RASGRF1: variants seen among roughly 807,000 people sequenced by gnomAD.
The protein encoded by RASGRF1 is ras-specific guanine nucleotide-releasing factor 1.
Under a neutral mutation model 138.7 loss-of-function variants are expected in RASGRF1, and 40 were observed. The observed-to-expected ratio is 0.29, with a 90% confidence interval of 0.22 to 0.38. The LOEUF is 0.38. RASGRF1 is among the 10% of genes least tolerant of loss of function. RASGRF1 has a pLI of 1.00. For missense variants in RASGRF1, 1,108 were observed against 1,650.4 expected, an observed-to-expected ratio of 0.67 and a Z score of 5.69; for synonymous variants, 614 against 663.2, an observed-to-expected ratio of 0.93 and a Z score of 1.14.
At position 78,977,790 on chromosome 15, in the gene RASGRF1, A is replaced by C. The variant is rs538263426; in HGVS notation, c.3494+2830T>G. Among the ~76,000 whole-genome samples the C allele has an allele frequency of 1.4e-3, 213 of 152,348 alleles. 1 individual carries two copies. Among genetic ancestry groups the C allele is most frequent in the Admixed American group, 3.1e-3 (48 of 15,306 alleles). ...GCTTCCTATTCAAATTAAACACAAAAGGTGCAGATATGCAAGTGTGTGCTC... is the reference window on the plus strand; with the variant it reads ...GCTTCCTATTCAAATTAAACACAAACGGTGCAGATATGCAAGTGTGTGCTC... On this transcript the variant is annotated intron_variant, in intron 24 of 26. Transcript: ENST00000558480.
At chr15:79,015,560 C>G (rs546773028) in intron 12 of RASGRF1, 151 bp from the exon 13 acceptor site, 1 of 676,718 alleles carries the variant, frequency 1.5e-6, no homozygotes, top group African/African-American at 1.8e-5. Context: ...GCAGGGTCAG[C>G]GTGGCGCATC....
At chr15:79,043,899 C>A (rs1567568004) in intron 5 of RASGRF1, among the ~76,000 whole-genome samples, 1 of 152,224 alleles carries the variant, frequency 6.6e-6, no homozygotes, top group East Asian at 1.9e-4. Flanking sequence ...GGTTACTCTT[C>A]TGAATTCTTA....
intron 22 of RASGRF1, 60 bp downstream of exon 22, chr15:78,990,129 C>A: frequency 3.0e-6 from 4 of 1,339,862 alleles, no homozygotes; most frequent in Non-Finnish European, 4.3e-6. Context: ...TCTACCCAGC[C>A]TCTTGAGCGT....
At chr15:79,049,613 T>C (rs1398890189) in intron 3 of RASGRF1, 25 bp from the exon 4 acceptor site, 1 of 1,598,550 alleles carries the variant, frequency 6.3e-7, no homozygotes, top group Non-Finnish European at 8.5e-7. Flanking sequence ...CAGGTCAGCC[T>C]GTGAGGGGCG....
At chr15:79,044,896 A>T in intron 5 of RASGRF1, among the ~76,000 whole-genome samples, 1 of 152,178 alleles carries the variant, frequency 6.6e-6, no homozygotes, top group Non-Finnish European at 1.5e-5. Flanking sequence ...TGGCATGAAT[A>T]TTCTCTACCA....
intron 19 of RASGRF1, among the ~76,000 whole-genome samples, chr15:78,997,731 C>T (rs368039787): frequency 5.8e-5 from 5 of 86,094 alleles, no homozygotes; most frequent in African/African-American, 1.6e-4. Flanking sequence ...AGCGAGACTT[C>T]GCCTCAAAAA....
Position 78,973,246 on chromosome 15 carries a change from G to T in RASGRF1, c.3612+57C>A. The stretch of plus-strand genomic sequence containing the variant: ...GGGGCAGAGTGTGGGTGGGCCCCAG[G>T]TTGAGTCATCTGGGCTTCAACGCCC... On this transcript the variant is annotated intron_variant, in intron 25 of 26. Transcript: ENST00000558480. This position sits in a 1 kb window ranked among gnomAD's most constrained non-coding sequence, Gnocchi z 4.9. 7.1e-7 allele frequency: 1 copy of T among 1,400,624 alleles called. No individual in the cohort carries two copies. The highest frequency in any genetic ancestry group is 9.9e-7 in the Non-Finnish European group (1 of 1,008,470). 86.8% of individuals were successfully genotyped at this position (1,400,624 alleles called of 1,614,324 possible). A position where few individuals can be genotyped will look rare whatever the true frequency, so the allele number is the denominator to read the frequency against.
Position 79,049,567 on chromosome 15 carries a change from T to C in RASGRF1, c.553A>G (p.Asn185Asp). ...KAEITSLLKD[N>D]ERIQSTQTVA... is the part of the protein sequence containing the mutation. ...GTCTGGGTGGACTGGATGCGCTCATTGTCCTTGAGCAGGGATGTGATCTGC... is the reference window on the plus strand; with the variant it reads ...GTCTGGGTGGACTGGATGCGCTCATCGTCCTTGAGCAGGGATGTGATCTGC... The change falls in exon 4 of 27, where the codon AAT (asparagine) becomes GAT (aspartate). Residue 185 changes from asparagine to aspartate, a missense_variant. Transcript: ENST00000558480. 2 of 1,613,720 alleles carry C rather than the reference T, an allele frequency of 1.2e-6. No individual in the cohort carries two copies. Among genetic ancestry groups the C allele is most frequent in the South Asian group, 1.1e-5 (1 of 91,016 alleles).
At chr15:79,002,638 G>C (rs181429366) in intron 15 of RASGRF1, among the ~76,000 whole-genome samples, 1 of 152,350 alleles carries the variant, frequency 6.6e-6, no homozygotes, top group African/African-American at 2.4e-5. Context: ...GGTACCAGAT[G>C]ACTTCTCAGG....
At chr15:79,072,689 A>C (rs1218651191) in intron 1 of RASGRF1, among the ~76,000 whole-genome samples, 1 of 152,206 alleles carries the variant, frequency 6.6e-6, no homozygotes, top group Non-Finnish European at 1.5e-5. Flanking sequence ...GCTCTGGCTG[A>C]CCTGAGTCAC....
chr15:78,991,556 C>T, intron 21 of RASGRF1, 135 bp downstream of exon 21: 1 of 663,624 alleles, frequency 1.5e-6, no homozygotes, highest in East Asian at 2.7e-5. Context: ...CCTCATTCTG[C>T]TGACCCAGGC....
At chr15:79,035,062 C>T in intron 6 of RASGRF1, 69 bp downstream of exon 6, 1 of 1,375,538 alleles carries the variant, frequency 7.3e-7, no homozygotes, top group South Asian at 1.3e-5. Context: ...GACAAAACTG[C>T]CCCAGGCTTT....
rs551009739 is a variant in RASGRF1, at chr15:79,048,291, G to C, written c.624+1205C>G. Among the ~76,000 whole-genome samples, 9 of 152,270 alleles carry C rather than the reference G, an allele frequency of 5.9e-5. 1 individual carries two copies. In the South Asian group the frequency reaches 1.9e-3, roughly 32 times the overall value. ...GGGATGTCATAAGGTGGCACCTCTT[G>C]CCTGGGCTGGCTGCTGTTATGTGCA... is the stretch of plus-strand genomic sequence containing the variant. On this transcript the variant is annotated intron_variant, in intron 4 of 26. Coordinates refer to ENST00000558480, the MANE Select transcript of RASGRF1 (RefSeq NM_001145648.3).
chr15:79,027,671 A>C lies in RASGRF1; in HGVS notation c.1381+70T>G. 1 of 1,428,290 alleles carries C rather than the reference A, an allele frequency of 7.0e-7. No individual in the cohort carries two copies. 88.5% of individuals were successfully genotyped at this position (1,428,290 alleles called of 1,614,324 possible). A position where few individuals can be genotyped will look rare whatever the true frequency, so the allele number is the denominator to read the frequency against. On this transcript the variant is annotated intron_variant, in intron 9 of 26. Coordinates refer to ENST00000558480, the MANE Select transcript of RASGRF1 (RefSeq NM_001145648.3). This position sits in a 1 kb window ranked among gnomAD's most constrained non-coding sequence, Gnocchi z 4.8. ...GCCAAACCAACTGGTGGCGTCCCCGAGTGCCGCCTCCCTCCCGCTGCTGGG... is the reference window on the plus strand; with the variant it reads ...GCCAAACCAACTGGTGGCGTCCCCGCGTGCCGCCTCCCTCCCGCTGCTGGG...
chr15:79,083,425 C>G (rs530787046), intron 1 of RASGRF1, among the ~76,000 whole-genome samples: 1 of 152,332 alleles, frequency 6.6e-6, no homozygotes, highest in Admixed American at 6.5e-5. Flanking sequence ...GCTCCATGCT[C>G]CCACAGATTC....
intron 13 of RASGRF1, among the ~76,000 whole-genome samples, chr15:79,013,157 G>A (rs75800277): frequency 0.01 from 1,538 of 152,288 alleles, 29 homozygotes; most frequent in African/African-American, 0.035. Flanking sequence ...ACCCAAGCTC[G>A]GAAAGGTTAA....
intron 24 of RASGRF1, among the ~76,000 whole-genome samples, chr15:78,976,594 A>G (rs1212946109): frequency 6.7e-6 from 1 of 149,746 alleles, no homozygotes; most frequent in African/African-American, 2.5e-5. Flanking sequence ...ACCCATCCGA[A>G]ATCCAGAGCC....
chr15:78,965,071 T>G (rs1325480472), intron 26 of RASGRF1, among the ~76,000 whole-genome samples: 1 of 152,204 alleles, frequency 6.6e-6, no homozygotes, highest in African/African-American at 2.4e-5. Flanking sequence ...AATGAAGATC[T>G]TCTAGAATAC....
chr15:79,090,610 C>G lies in RASGRF1; in HGVS notation c.-112G>C. On this transcript the variant is annotated 5_prime_UTR_variant, in exon 1 of 27. Coordinates refer to ENST00000558480, the MANE Select transcript of RASGRF1 (RefSeq NM_001145648.3). ...TCTGGCGCTCGCTCGCTCGCTCCCTCTAGCTCTCCCCTCCCCCCAAATATC... is the reference window on the plus strand; with the variant it reads ...TCTGGCGCTCGCTCGCTCGCTCCCTGTAGCTCTCCCCTCCCCCCAAATATC... 1.4e-6 allele frequency: 2 copies of G among 1,438,552 alleles called. No homozygotes were observed. Among genetic ancestry groups the G allele is most frequent in the South Asian group, 1.3e-5 (1 of 76,522 alleles). The allele number at this position is 1,438,552 out of a possible 1,614,324, so 89.1% of individuals were successfully genotyped here. A position where few individuals can be genotyped will look rare whatever the true frequency, so the allele number is the denominator to read the frequency against.
Sources: allele counts gnomAD v4.1 joint callset (sites outside exome capture counted in the v4.1 genomes callset), GRCh38; gene constraint gnomAD v4.1.1; non-coding constraint Gnocchi (gnomAD v3.1); transcripts MANE v1.5; gene names NCBI Gene and HGNC (gene_info 2026-07-23, HGNC 2026-07-21).